ITGA4: variants seen among roughly 807,000 people sequenced by gnomAD.
ITGA4 encodes the protein integrin subunit alpha 4.
Under a neutral mutation model 133.6 loss-of-function variants are expected in ITGA4, and 63 were observed. That is an observed-to-expected ratio of 0.47 (90% CI 0.38 to 0.58). The LOEUF (loss-of-function observed/expected upper bound fraction) is 0.58, where lower values mean the gene tolerates loss of function less well. ITGA4 is among the 20% of genes least tolerant of loss of function. The pLI is 0.00. For missense variants in ITGA4, 1,076 were observed against 1,252.7 expected (o/e 0.86, Z 2.13); for synonymous variants, 483 against 438.0 (o/e 1.10, Z -1.28).
At position 181,482,639 on chromosome 2, in the gene ITGA4, C is replaced by G; in HGVS notation, c.1029C>G (p.Ile343Met). 6 of 1,613,546 alleles carry G rather than the reference C, an allele frequency of 3.7e-6. No homozygotes were observed. Among genetic ancestry groups the G allele is most frequent in the Non-Finnish European group, 5.1e-6 (6 of 1,179,616 alleles). The part of the protein sequence containing the change: ...IREEGRVFVY[I>M]NSGSGAVMNA... Reference sequence around the variant, plus strand: ...AGGAAGGAAGAGTGTTTGTGTACATCAACTCTGGCTCGGTATGTCCAAGTG... The same window carrying G: ...AGGAAGGAAGAGTGTTTGTGTACATGAACTCTGGCTCGGTATGTCCAAGTG... The change falls in exon 9 of 28, where the codon ATC becomes ATG. Residue 343 changes from isoleucine to methionine, a missense_variant. Ile to Met is a conservative substitution (Grantham distance 10, BLOSUM62 1). Around this residue, in one of 4 missense-constraint regions of ITGA4, gnomAD observed 436 missense variants for 590.7 expected, o/e 0.74. Coordinates refer to ENST00000397033, the MANE Select transcript of ITGA4 (RefSeq NM_000885.6).
rs1193623684 is a variant in ITGA4, at chr2:181,538,284, GT to G, written c.*2762del. Reference sequence around the variant, plus strand: ...CATTATTTCATCAACTTATTTTGTTGTTTTTCACATACACCTAATAAGTATG... The same window carrying G: ...CATTATTTCATCAACTTATTTTGTTGTTTTCACATACACCTAATAAGTATG... On this transcript the variant is annotated 3_prime_UTR_variant, in exon 28 of 28. Coordinates refer to ENST00000397033, the MANE Select transcript of ITGA4 (RefSeq NM_000885.6). 8.2e-7 allele frequency: 1 copy of G among 1,217,606 alleles called. No homozygotes were observed. The highest frequency in any genetic ancestry group is 1.2e-6 in the Non-Finnish European group (1 of 822,214). 75.4% of individuals were successfully genotyped at this position (1,217,606 alleles called of 1,614,324 possible).
intron 15 of ITGA4, among the ~76,000 whole-genome samples, chr2:181,508,274 C>T (rs1250838441): frequency 6.6e-6 from 1 of 151,556 alleles, no homozygotes; most frequent in East Asian, 1.9e-4. Flanking sequence ...GCTGTGTAGA[C>T]ATAAGATATT....
intron 6 of ITGA4, 40 bp downstream of exon 6, chr2:181,480,306 A>C: frequency 9.0e-7 from 1 of 1,115,358 alleles, no homozygotes; most frequent in Non-Finnish European, 1.2e-6. Context: ...TCTGTGCCTT[A>C]CAAATACTAG....
intron 10 of ITGA4, 192 bp from the exon 11 acceptor site, chr2:181,493,133 T>C (rs1686088310): frequency 2.1e-6 from 1 of 469,612 alleles, no homozygotes; most frequent in East Asian, 3.7e-5. Flanking sequence ...CTTTCTTCCA[T>C]GTGCAAACTA....
chr2:181,464,381 A>G (rs1043992566), intron 2 of ITGA4, among the ~76,000 whole-genome samples: 23 of 152,164 alleles, frequency 1.5e-4, no homozygotes, highest in African/African-American at 4.1e-4. Flanking sequence ...TTCTTCCTTC[A>G]TTAATACATT....
chr2:181,466,992 TATTTG>T (rs2105717338), intron 2 of ITGA4, among the ~76,000 whole-genome samples: 1 of 152,274 alleles, frequency 6.6e-6, no homozygotes, highest in African/African-American at 2.4e-5. Context: ...CATGTTCTCA[TATTTG>T]AATTGATTTT....
chr2:181,470,144 T>C (rs1356995219), intron 2 of ITGA4, among the ~76,000 whole-genome samples: 1 of 152,042 alleles, frequency 6.6e-6, no homozygotes, highest in Non-Finnish European at 1.5e-5. Context: ...GGAAAGTAAG[T>C]ATAACTATAA....
In ITGA4 at chr2:181,537,758, T is replaced by G. The variant is rs1342778776; in HGVS notation, c.*2231T>G. 2.2e-6 allele frequency: 1 copy of G among 447,348 alleles called. No homozygotes were observed. Among genetic ancestry groups the G allele is most frequent in the Admixed American group, 2.4e-5 (1 of 41,340 alleles). The allele number at this position is 447,348 out of a possible 1,614,324, so 27.7% of individuals were successfully genotyped here. A position where few individuals can be genotyped will look rare whatever the true frequency, so the allele number is the denominator to read the frequency against. On this transcript the variant is annotated 3_prime_UTR_variant, in exon 28 of 28. Coordinates refer to ENST00000397033, the MANE Select transcript of ITGA4 (RefSeq NM_000885.6). Reference sequence around the variant, plus strand: ...ACATTGTAAAAAAAAGAATTTGAATTGATATCTAAAAACAGAATTTGAATT... The same window carrying G: ...ACATTGTAAAAAAAAGAATTTGAATGGATATCTAAAAACAGAATTTGAATT...
intron 14 of ITGA4, 132 bp downstream of exon 14, chr2:181,496,069 G>A (rs1686152127): frequency 1.2e-6 from 1 of 849,154 alleles, no homozygotes; most frequent in Non-Finnish European, 1.9e-6. Context: ...GCTACCTGAT[G>A]CATGCTTTTC....
chr2:181,483,375 G>A (rs951645593), intron 9 of ITGA4, among the ~76,000 whole-genome samples: 4 of 152,022 alleles, frequency 2.6e-5, no homozygotes, highest in Admixed American at 6.6e-5. Flanking sequence ...AAATCTTCTT[G>A]GCCCGTTCTT....
intron 22 of ITGA4, among the ~76,000 whole-genome samples, chr2:181,528,041 T>A (rs1686870230): frequency 6.6e-6 from 1 of 152,172 alleles, no homozygotes; most frequent in Non-Finnish European, 1.5e-5. Context: ...CAAAAAAAAA[T>A]TCTTTGAACC....
At chr2:181,519,035 A>G (rs1686666918) in intron 17 of ITGA4, among the ~76,000 whole-genome samples, 1 of 152,076 alleles carries the variant, frequency 6.6e-6, no homozygotes, top group Non-Finnish European at 1.5e-5. Flanking sequence ...CCAAAAAACT[A>G]TAATAGTTCC....
intron 17 of ITGA4, among the ~76,000 whole-genome samples, chr2:181,513,283 C>G (rs988044726): frequency 1.3e-5 from 2 of 152,120 alleles, no homozygotes; most frequent in Middle Eastern, 3.4e-3. Flanking sequence ...TTCACACCCA[C>G]CTACATATCA....
chr2:181,505,160 C>T (rs746098566), intron 15 of ITGA4, among the ~76,000 whole-genome samples: 12 of 152,056 alleles, frequency 7.9e-5, no homozygotes, highest in Non-Finnish European at 1.3e-4. Flanking sequence ...ATGCCCCACA[C>T]TGTCTATGTG....
Position 181,498,669 on chromosome 2 carries a change from TCCA to T in ITGA4, c.1591_1593del (p.Pro531del), listed in dbSNP as rs1176451145. ...TGGATGTGAACAGAAAGGCAGAGTC[TCCA>T]CCAAGATTCTATTTCTCTTCTAATG... On this transcript the variant is annotated inframe_deletion, in exon 15 of 28. Transcript: ENST00000397033. 1 of 1,612,320 alleles carries T rather than the reference TCCA, an allele frequency of 6.2e-7. No homozygotes were observed. The highest frequency in any genetic ancestry group is 1.7e-5 in the Admixed American group (1 of 59,926).
chr2:181,503,095 C>A (rs1329053317), intron 15 of ITGA4, among the ~76,000 whole-genome samples: 1 of 151,954 alleles, frequency 6.6e-6, no homozygotes, highest in African/African-American at 2.4e-5. Context: ...GCAAAGATGG[C>A]ATAGATATTA....
rs376873077 is a variant in ITGA4 at position 181,458,235 on chromosome 2, C to T, written c.237C>T (p.Asn79=). 33 of 1,613,610 alleles carry T rather than the reference C, an allele frequency of 2.0e-5. No homozygotes were observed. The African/African-American group carries it at 4.4e-4, about 22-fold the overall frequency. ...VGAPTANWLA[N]ASVINPGAIY... ...CGCCCACTGCCAACTGGCTCGCCAA[C>T]GCTTCAGTGATCAATCCCGGGGCGA... Residue 79 remains asparagine (N), a synonymous_variant, in exon 2 of 28, where the codon AAC becomes AAT. Transcript: ENST00000397033.
intron 10 of ITGA4, chr2:181,493,000 A>G (rs1686085222): frequency 4.8e-6 from 1 of 207,406 alleles, no homozygotes; most frequent in Admixed American, 5.7e-5. Flanking sequence ...ACAGATTAAG[A>G]AATGGGCCCA....
At chr2:181,485,426 A>G (rs1395611818) in intron 9 of ITGA4, among the ~76,000 whole-genome samples, 1 of 147,726 alleles carries the variant, frequency 6.8e-6, no homozygotes, top group Admixed American at 6.8e-5. Context: ...GCGTCTCGAT[A>G]TTGTAAAGCA....
Sources: allele counts gnomAD v4.1 joint callset (sites outside exome capture counted in the v4.1 genomes callset), GRCh38; gene constraint gnomAD v4.1.1; regional missense constraint gnomAD v4.1.1; transcripts MANE v1.5; gene names NCBI Gene and HGNC (gene_info 2026-07-23, HGNC 2026-07-21).